The following TERB1 variants were observed in gnomAD, a reference collection of about 807,000 sequenced individuals.
TERB1 encodes telomere repeats-binding bouquet formation protein 1.
Under a neutral mutation model 92.3 loss-of-function variants are expected in TERB1, and 63 were observed. That is an observed-to-expected ratio of 0.68 (90% CI 0.56 to 0.84). The LOEUF (loss-of-function observed/expected upper bound fraction) is 0.84. Among genes scored for constraint, TERB1 ranks in the 40% least tolerant of loss-of-function variants. The pLI, the probability that TERB1 is intolerant of heterozygous loss-of-function variation, is 0.00. For synonymous variants in TERB1, 252 were observed against 283.9 expected, an observed-to-expected ratio of 0.89 and a Z score of 1.13; for missense variants, 709 against 843.7, an observed-to-expected ratio of 0.84 and a Z score of 1.98.
At chr16:66,776,288 C>G (rs1321502334) in intron 11 of TERB1, among the ~76,000 whole-genome samples, 1 of 149,394 alleles carries the variant, frequency 6.7e-6, no homozygotes, top group Non-Finnish European at 1.5e-5. Context: ...AAGATTGCAC[C>G]GCTGCACTCC....
chr16:66,758,956 G>C, intron 17 of TERB1, 118 bp from the exon 18 acceptor site: 1 of 952,906 alleles, frequency 1.0e-6, no homozygotes, highest in Non-Finnish European at 1.6e-6. Context: ...AGATAGATTA[G>C]GAAGAATTTT....
chr16:66,784,937 G>A (rs2018701820), intron 9 of TERB1, among the ~76,000 whole-genome samples: 1 of 149,256 alleles, frequency 6.7e-6, no homozygotes, highest in South Asian at 2.1e-4. Context: ...TGGTCAGGCT[G>A]GTCTCAAACT....
intron 9 of TERB1, among the ~76,000 whole-genome samples, chr16:66,782,460 G>C (rs1197088583): frequency 6.6e-6 from 1 of 150,732 alleles, no homozygotes; most frequent in African/African-American, 2.4e-5. Flanking sequence ...TGAGACAGGA[G>C]AATCACTTGA....
rs2018177637 is a variant in TERB1, at chr16:66,758,708, T to C, written c.1996+65A>G. The stretch of plus-strand genomic sequence containing the variant: ...GTGAGCCGAGATTGCTCCACTGCAC[T>C]CCATCCTGGGTAACAGAGCCAGACC... On this transcript the variant is annotated intron_variant, in intron 18 of 18. Coordinates refer to ENST00000433154, the MANE Select transcript of TERB1 (RefSeq NM_001136505.2). 18 of 990,322 alleles carry C rather than the reference T, an allele frequency of 1.8e-5. No homozygotes were observed. The Admixed American group carries it at 2.4e-4, about 13-fold the overall frequency. 61.3% of individuals were successfully genotyped at this position (990,322 alleles called of 1,614,324 possible).
chr16:66,757,390 G>A (rs1000701872), intron 18 of TERB1, among the ~76,000 whole-genome samples: 2 of 151,938 alleles, frequency 1.3e-5, no homozygotes, highest in African/African-American at 2.4e-5. Context: ...TCATTGTTAC[G>A]TACTTGCTTT....
chr16:66,775,375 T>C, intron 11 of TERB1, 132 bp from the exon 12 acceptor site: 1 of 750,398 alleles, frequency 1.3e-6, no homozygotes, highest in Non-Finnish European at 2.1e-6. Context: ...GGCTCACTCT[T>C]GTAATCCCAG....
chr16:66,797,905 TA>T (rs1291045367), intron 2 of TERB1, among the ~76,000 whole-genome samples: 3 of 152,004 alleles, frequency 2.0e-5, no homozygotes, highest in African/African-American at 7.2e-5. Flanking sequence ...TACCCTACTT[TA>T]AAATGCTAAA....
intron 3 of TERB1, among the ~76,000 whole-genome samples, chr16:66,793,066 C>T (rs2018862883): frequency 6.6e-6 from 1 of 150,392 alleles, no homozygotes; most frequent in South Asian, 2.1e-4. Flanking sequence ...AAGACTCTGT[C>T]TCAAAAAAAC....
intron 2 of TERB1, among the ~76,000 whole-genome samples, chr16:66,799,602 T>C (rs3026082): frequency 0.26 from 39,782 of 152,082 alleles, 6,142 homozygotes; most frequent in East Asian, 0.41. Flanking sequence ...CTTTTCTCCC[T>C]TTGTTTTTAT....
At chr16:66,755,784 A>C (rs2018127519) in intron 18 of TERB1, among the ~76,000 whole-genome samples, 1 of 152,176 alleles carries the variant, frequency 6.6e-6, no homozygotes, top group Admixed American at 6.5e-5. Context: ...CAAAATATAT[A>C]AATAAATAAA....
At chr16:66,777,008 A>G (rs531014193) in intron 11 of TERB1, among the ~76,000 whole-genome samples, 195 bp downstream of exon 11, 2 of 152,304 alleles carry the variant, frequency 1.3e-5, no homozygotes, top group East Asian at 3.9e-4. Context: ...CAGAAGTAGA[A>G]CTACAGGTCT....
upstream of TERB1, among the ~76,000 whole-genome samples, chr16:66,801,895 A>T (rs1363883197): frequency 6.6e-6 from 1 of 152,182 alleles, no homozygotes. Context: ...GCGAAGCCCC[A>T]ACCTCCCCTC....
In TERB1 at chr16:66,796,846, A is replaced by G. The variant is rs1360960544; in HGVS notation, c.-32-16T>C. ...TATATTTTGTCTATAAGATAAAGGTATTTTCTCAATTTAAATCAATGTTTG... is the reference window on the plus strand; with the variant it reads ...TATATTTTGTCTATAAGATAAAGGTGTTTTCTCAATTTAAATCAATGTTTG... On this transcript the variant is annotated splice_polypyrimidine_tract_variant and intron_variant, in intron 2 of 18. Transcript: ENST00000433154. 7.7e-7 allele frequency: 1 copy of G among 1,292,640 alleles called. No homozygotes were observed. Among genetic ancestry groups the G allele is most frequent in the East Asian group, 2.5e-5 (1 of 39,498 alleles). 80.1% of individuals were successfully genotyped at this position (1,292,640 alleles called of 1,614,324 possible).
intron 9 of TERB1, among the ~76,000 whole-genome samples, chr16:66,780,875 T>C (rs1306897561): frequency 1.3e-5 from 2 of 152,232 alleles, no homozygotes; most frequent in Non-Finnish European, 2.9e-5. Context: ...ATGTGACATA[T>C]GAGTATTCGT....
intron 5 of TERB1, among the ~76,000 whole-genome samples, chr16:66,788,709 G>A (rs2018769940): frequency 6.6e-6 from 1 of 151,966 alleles, no homozygotes; most frequent in African/African-American, 2.4e-5. Flanking sequence ...GCTATGTTCT[G>A]AGACTTTCCT....
intron 6 of TERB1, among the ~76,000 whole-genome samples, chr16:66,786,804 A>G (rs2018735821): frequency 6.6e-6 from 1 of 152,148 alleles, no homozygotes; most frequent in Admixed American, 6.5e-5. Flanking sequence ...CTGCTAGCAG[A>G]AGAAGGTGAG....
intron 5 of TERB1, 90 bp from the exon 6 acceptor site, chr16:66,788,387 C>T (rs550218333): frequency 7.9e-5 from 85 of 1,075,984 alleles, no homozygotes; most frequent in East Asian, 1.8e-4. Flanking sequence ...GCCTAACTGG[C>T]GATGGTTCTT....
intron 6 of TERB1, 31 bp downstream of exon 6, chr16:66,788,138 T>C (rs763346382): frequency 8.6e-5 from 117 of 1,363,924 alleles, no homozygotes; most frequent in Non-Finnish European, 1.1e-4. Context: ...GATTAAAGTG[T>C]TTTCAAATAG....
At chr16:66,781,818 C>T (rs970400645) in intron 9 of TERB1, among the ~76,000 whole-genome samples, 1 of 152,160 alleles carries the variant, frequency 6.6e-6, no homozygotes, top group Non-Finnish European at 1.5e-5. Flanking sequence ...CCGTGCTGGG[C>T]CCAAATTCTT....
Sources: allele counts gnomAD v4.1 joint callset (sites outside exome capture counted in the v4.1 genomes callset), GRCh38; gene constraint gnomAD v4.1.1; transcripts MANE v1.5; gene names NCBI Gene and HGNC (gene_info 2026-07-23, HGNC 2026-07-21).